Variants in TBCD observed in about 807,000 individuals in gnomAD.
The protein encoded by TBCD is tubulin-specific chaperone D.
TBCD carries 105 observed loss-of-function variants against 169.3 expected under a neutral mutation model. The ratio of observed to expected loss-of-function variants is 0.62; its 90% confidence interval spans 0.53 to 0.73. The LOEUF is 0.73. TBCD is among the 30% of genes least tolerant of loss of function. The probability of loss-of-function intolerance (pLI) is 0.00; values close to 1 mark genes in which losing one functional copy is unlikely to be tolerated. For missense variants in TBCD, 1,444 were observed against 1,600.1 expected (o/e 0.90, Z 1.66); for synonymous variants, 700 against 643.9 (o/e 1.09, Z -1.32).
chr17:82,875,799 C>G (rs543469967), intron 14 of TBCD, among the ~76,000 whole-genome samples: 44 of 152,100 alleles, frequency 2.9e-4, no homozygotes, highest in South Asian at 2.7e-3. Context: ...CATTACCGAG[C>G]AGAGTCCTAA....
rs770937552 is a variant in TBCD, at chr17:82,903,437, A to G, written c.1763A>G (p.His588Arg). 1.2e-6 allele frequency: 2 copies of G among 1,604,330 alleles called. No homozygotes were observed. Among genetic ancestry groups the G allele is most frequent in the Non-Finnish European group, 1.7e-6 (2 of 1,175,528 alleles). Residue 588 changes from histidine to arginine, a missense_variant, in exon 19 of 39, where the codon CAC becomes CGC. By Grantham distance (29) the His-to-Arg change is conservative. Coordinates refer to ENST00000355528, the MANE Select transcript of TBCD (RefSeq NM_005993.5). This position sits in a 1 kb window ranked among gnomAD's most constrained non-coding sequence, Gnocchi z 4.8. Reference sequence around the variant, plus strand: ...CGAGAGTTGGCTGCGAGGGCGCTGCACAACCTGGCCCAGCAGGCACCCGAG... The same window carrying G: ...CGAGAGTTGGCTGCGAGGGCGCTGCGCAACCTGGCCCAGCAGGCACCCGAG... ...VIRELAARAL[H>R]NLAQQAPEFS...
rs1358985798 is a variant in TBCD at position 82,930,759 on chromosome 17, GAC to G, written c.3113+121_3113+122del. 7.7e-5 allele frequency: 114 copies of G among 1,486,710 alleles called. No individual in the cohort carries two copies. Among genetic ancestry groups the G allele is most frequent in the Non-Finnish European group, 9.7e-5 (106 of 1,097,660 alleles). The allele number at this position is 1,486,710 out of a possible 1,614,324, so 92.1% of individuals were successfully genotyped here. A position where few individuals can be genotyped will look rare whatever the true frequency, so the allele number is the denominator to read the frequency against. On this transcript the variant is annotated intron_variant, in intron 33 of 38. Coordinates refer to ENST00000355528, the MANE Select transcript of TBCD (RefSeq NM_005993.5). The surrounding 1 kb of genome is among the most constrained non-coding windows in gnomAD (Gnocchi z 5.2). The stretch of plus-strand genomic sequence containing the variant: ...GTCTGGGGTCTGAAGGGAGAAGCGA[GAC>G]ACACGCTGTACCAGTTGGTGGCTCA...
chr17:82,927,644 G>T (rs2061866372), intron 29 of TBCD, among the ~76,000 whole-genome samples: 1 of 152,076 alleles, frequency 6.6e-6, no homozygotes, highest in African/African-American at 2.4e-5. Flanking sequence ...TGCTGTAGTG[G>T]GATTGATAAC....
chr17:82,809,072 G>T (rs192795577), intron 11 of TBCD, among the ~76,000 whole-genome samples: 2 of 152,148 alleles, frequency 1.3e-5, no homozygotes, highest in East Asian at 3.9e-4. Context: ...GCTCCACAGG[G>T]CTGTGCAGGG....
In TBCD at chr17:82,796,577, C is replaced by T. The variant is rs151337724; in HGVS notation, c.772-1180C>T. 3.3e-3 allele frequency among the ~76,000 whole-genome samples: 496 copies of T among 152,310 alleles called. 1 individual carries two copies. Among genetic ancestry groups the T allele is most frequent in the African/African-American group, 0.01 (432 of 41,554 alleles). ...CATTTTACAGACAGAGGAACAGGAGCGCAGAGACCCTGCTCTGCTCCACAG... is the reference window on the plus strand; with the variant it reads ...CATTTTACAGACAGAGGAACAGGAGTGCAGAGACCCTGCTCTGCTCCACAG... On this transcript the variant is annotated intron_variant, in intron 7 of 38. Transcript: ENST00000355528.
rs575397586 is a variant in TBCD at position 82,823,039 on chromosome 17, G to C, written c.1318+8105G>C. On this transcript the variant is annotated intron_variant, in intron 13 of 38. Coordinates refer to ENST00000355528, the MANE Select transcript of TBCD (RefSeq NM_005993.5). The stretch of plus-strand genomic sequence containing the variant: ...ATAGGAGAGGAGTCCGATTCTGAGA[G>C]GGGGAAGGGGTGGAGGACCAGAGTT... 5.3e-5 allele frequency among the ~76,000 whole-genome samples: 8 copies of C among 152,350 alleles called. No homozygotes were observed. The South Asian group carries it at 1.7e-3, about 32-fold the overall frequency.
chr17:82,798,884 A>G (rs1451369255), intron 8 of TBCD, among the ~76,000 whole-genome samples: 1 of 152,104 alleles, frequency 6.6e-6, no homozygotes, highest in Non-Finnish European at 1.5e-5. Context: ...CTGGGACTAC[A>G]GGCGAGCTCT....
At chr17:82,863,622 C>T (rs2056951095) in intron 13 of TBCD, among the ~76,000 whole-genome samples, 1 of 152,070 alleles carries the variant, frequency 6.6e-6, no homozygotes, top group African/African-American at 2.4e-5. Flanking sequence ...GCCTTTGGAC[C>T]CAGTGCCCTC....
chr17:82,899,337 C>T (rs1413878952), intron 17 of TBCD, among the ~76,000 whole-genome samples: 2 of 148,754 alleles, frequency 1.3e-5, no homozygotes, highest in African/African-American at 5.0e-5. Flanking sequence ...GTCCTCAGCT[C>T]GTGTCCTCAG....
At chr17:82,830,169 T>C in intron 13 of TBCD, 5 of 1,614,154 alleles carry the variant, frequency 3.1e-6, no homozygotes, top group Non-Finnish European at 4.2e-6. Context: ...TCCTTCGTAG[T>C]GTGAACACTC....
In TBCD at chr17:82,945,096, C is replaced by T. The variant is rs1697392844; in HGVS notation, c.*2633C>T. On this transcript the variant is annotated 3_prime_UTR_variant, in exon 39 of 39. Coordinates refer to ENST00000355528, the MANE Select transcript of TBCD (RefSeq NM_005993.5). ...TAGAATGTAGGCTATAATATGAGTA[C>T]ATTTTTGAAAAGGGCTAGAAATGAT... 1 of 151,966 alleles carries T rather than the reference C, an allele frequency of 6.6e-6. No homozygotes were observed. Among genetic ancestry groups the T allele is most frequent in the South Asian group, 2.1e-4 (1 of 4,816 alleles). 9.4% of individuals were successfully genotyped at this position (151,966 alleles called of 1,614,324 possible). A position where few individuals can be genotyped will look rare whatever the true frequency, so the allele number is the denominator to read the frequency against.
At chr17:82,846,059 C>T (rs1183816355) in intron 13 of TBCD, among the ~76,000 whole-genome samples, 5 of 152,242 alleles carry the variant, frequency 3.3e-5, no homozygotes, top group East Asian at 1.9e-4. Flanking sequence ...GGCTCCGGGC[C>T]GGAGGGCACC....
chr17:82,768,550 T>G lies in TBCD; in HGVS notation c.566T>G (p.Ile189Ser). 6.2e-7 allele frequency: 1 copy of G among 1,614,026 alleles called. No individual in the cohort carries two copies. The highest frequency in any genetic ancestry group is 8.5e-7 in the Non-Finnish European group (1 of 1,179,882). ...GQARMSIMDR[I>S]LQIAESYLIV... Reference sequence around the variant, plus strand: ...GCACGAATGTCCATAATGGACCGTATTCTCCAAATAGCAGAGGTAAATATC... The same window carrying G: ...GCACGAATGTCCATAATGGACCGTAGTCTCCAAATAGCAGAGGTAAATATC... The change falls in exon 5 of 39, where the codon ATT becomes AGT. Residue 189 changes from isoleucine (I) to serine (S), a missense_variant. Coordinates refer to ENST00000355528, the MANE Select transcript of TBCD (RefSeq NM_005993.5).
intron 13 of TBCD, chr17:82,829,991 G>A: frequency 4.8e-6 from 6 of 1,239,296 alleles, no homozygotes; most frequent in Non-Finnish European, 6.6e-6. Context: ...TGAATTGGAG[G>A]GTTTTTTGTT....
chr17:82,887,168 T>TGTGTGTGTGTGTGTGTGCGCGCGCGCGC, intron 15 of TBCD, among the ~76,000 whole-genome samples: 28 of 126,184 alleles, frequency 2.2e-4, no homozygotes, highest in South Asian at 5.9e-4. Context: ...TGTGTGTGTG[T>TGTGTGTGTGTGTGTGTGCGCGCGCGCGC]GCGCGCGCGC....
At chr17:82,783,698 G>A (rs149078490) in intron 7 of TBCD, among the ~76,000 whole-genome samples, 430 of 152,306 alleles carry the variant, frequency 2.8e-3, no homozygotes, top group Non-Finnish European at 4.1e-3. Flanking sequence ...CTTTATGGCC[G>A]AATCATAAGC....
chr17:82,835,136 G>C lies in TBCD; in HGVS notation c.1318+20202G>C, dbSNP rs972358227. Among the ~76,000 whole-genome samples, 1 of 152,198 alleles carries C rather than the reference G, an allele frequency of 6.6e-6. No individual in the cohort carries two copies. Among genetic ancestry groups the C allele is most frequent in the East Asian group, 1.9e-4 (1 of 5,188 alleles). ...CAGTATTTTTTTTAAGGAATGGGCA[G>C]ATGTGCCCATTCTTGAGTCTGTGAG... is the stretch of plus-strand genomic sequence containing the variant. On this transcript the variant is annotated intron_variant, in intron 13 of 38. Transcript: ENST00000355528. This position sits in a 1 kb window ranked among gnomAD's most constrained non-coding sequence, Gnocchi z 4.5.
intron 12 of TBCD, among the ~76,000 whole-genome samples, chr17:82,814,390 G>T (rs1280756104): frequency 1.3e-5 from 2 of 152,204 alleles, no homozygotes; most frequent in African/African-American, 4.8e-5. Flanking sequence ...CAGACGGGAC[G>T]GTCTCTTTGT....
rs1165221720 is a variant in TBCD at position 82,910,340 on chromosome 17, A to G, written c.2006+1033A>G. On this transcript the variant is annotated intron_variant, in intron 22 of 38. Transcript: ENST00000355528. ...CTGCTGCTGGAGTCTGCCTCTCCCC[A>G]GGGCTCCTGGTGCTGAGCCTCTTTC... Among the ~76,000 whole-genome samples, 9 of 152,276 alleles carry G rather than the reference A, an allele frequency of 5.9e-5. No individual in the cohort carries two copies. The South Asian group carries it at 1.9e-3, about 32-fold the overall frequency.
Sources: gnomAD v4.1 joint callset for allele counts (sites outside exome capture counted in the v4.1 genomes callset) on GRCh38, gnomAD v4.1.1 for gene constraint, Gnocchi (gnomAD v3.1) non-coding constraint, MANE v1.5 for transcripts, NCBI Gene and HGNC (gene_info 2026-07-23, HGNC 2026-07-21) for gene names.